Variants in SLC39A11 observed in about 807,000 individuals in gnomAD.
SLC39A11 encodes solute carrier family 39 member 11, also known as zinc transporter ZIP11.
In SLC39A11, 33 loss-of-function variants were observed where a neutral mutation model predicts 36.1. That is an observed-to-expected ratio of 0.91 (90% confidence interval 0.69 to 1.22). The LOEUF (loss-of-function observed/expected upper bound fraction) is 1.22, where lower values mean the gene tolerates loss of function less well. Among genes scored for constraint, SLC39A11 ranks in the 50% most tolerant of loss-of-function variants. The pLI, the probability that SLC39A11 is intolerant of heterozygous loss-of-function variation, is 0.00. For synonymous variants in SLC39A11, 166 were observed against 170.3 expected (o/e 0.97, Z 0.20); for missense variants, 432 against 430.3 (o/e 1.00, Z -0.03).
At chr17:73,049,308 G>A (rs1430321106) in intron 3 of SLC39A11, among the ~76,000 whole-genome samples, 1 of 152,224 alleles carries the variant, frequency 6.6e-6, no homozygotes, top group Non-Finnish European at 1.5e-5. Context: ...AGCGCTATGC[G>A]AAAGGATGCA....
intron 4 of SLC39A11, among the ~76,000 whole-genome samples, chr17:72,976,605 C>T (rs772739210): frequency 6.6e-6 from 1 of 152,222 alleles, no homozygotes; most frequent in Non-Finnish European, 1.5e-5. Flanking sequence ...AATCCCAACA[C>T]TTTGGGAGGC....
chr17:72,864,221 A>G (rs2080188031), intron 5 of SLC39A11, among the ~76,000 whole-genome samples: 1 of 152,204 alleles, frequency 6.6e-6, no homozygotes, highest in South Asian at 2.1e-4. Flanking sequence ...CTATGCATAT[A>G]TGGACAAAAT....
At chr17:72,807,416 G>T (rs1237658195) in intron 6 of SLC39A11, among the ~76,000 whole-genome samples, 2 of 152,088 alleles carry the variant, frequency 1.3e-5, no homozygotes, top group African/African-American at 4.8e-5. Flanking sequence ...TTCATAATGA[G>T]CCCCTTTTGT....
At chr17:72,812,529 C>A (rs528896225) in intron 6 of SLC39A11, among the ~76,000 whole-genome samples, 1 of 152,262 alleles carries the variant, frequency 6.6e-6, no homozygotes, top group South Asian at 2.1e-4. Flanking sequence ...AAAAGTAATT[C>A]TTGATGAGCA....
intron 6 of SLC39A11, among the ~76,000 whole-genome samples, chr17:72,775,179 CCTT>C (rs992028255): frequency 1.3e-5 from 2 of 152,090 alleles, no homozygotes; most frequent in African/African-American, 2.4e-5. Context: ...TAACGTATCA[CCTT>C]CTTCTCTATA....
At chr17:72,717,445 C>T (rs1219069786) in intron 7 of SLC39A11, among the ~76,000 whole-genome samples, 3 of 152,128 alleles carry the variant, frequency 2.0e-5, no homozygotes, top group East Asian at 1.9e-4. Context: ...GATCCTCCCT[C>T]GGCTCTTCCA....
intron 3 of SLC39A11, among the ~76,000 whole-genome samples, chr17:73,060,869 G>A (rs2059820357): frequency 6.6e-6 from 1 of 152,092 alleles, no homozygotes; most frequent in South Asian, 2.1e-4. Context: ...TGTCAATTGT[G>A]TCATTATTGA....
chr17:73,009,957 A>G (rs890172477), intron 4 of SLC39A11, among the ~76,000 whole-genome samples: 2 of 151,126 alleles, frequency 1.3e-5, no homozygotes, highest in Admixed American at 1.3e-4. Flanking sequence ...CTCATCGAAT[A>G]CAACAAATTT....
rs1268703786 is a variant in SLC39A11 at position 73,004,163 on chromosome 17, A to AAAAGAAAGAAAGAAAG, written c.306+27377_306+27392dup. ...AGGAAGAAAGAAAGAAAGAAGGAAA[A>AAAAGAAAGAAAGAAAG]AAAGAAAGAAAGAAAGAAAGAAAGA... On this transcript the variant is annotated intron_variant, in intron 4 of 9. Transcript: ENST00000255559. Among the ~76,000 whole-genome samples, 14 of 100,312 alleles carry AAAAGAAAGAAAGAAAG rather than the reference A, an allele frequency of 1.4e-4. 1 individual carries two copies. The highest frequency in any genetic ancestry group is 3.3e-4 in the East Asian group (1 of 3,034). 65.8% of individuals were successfully genotyped at this position (100,312 alleles called of 152,430 possible).
chr17:73,023,407 G>A (rs1291984351), intron 4 of SLC39A11, among the ~76,000 whole-genome samples: 2 of 152,156 alleles, frequency 1.3e-5, no homozygotes, highest in African/African-American at 2.4e-5. Flanking sequence ...CCAACACTGT[G>A]GGATTCCAAG....
chr17:73,036,899 C>T (rs2058936734), intron 3 of SLC39A11, among the ~76,000 whole-genome samples: 1 of 152,210 alleles, frequency 6.6e-6, no homozygotes, highest in Admixed American at 6.5e-5. Context: ...TCCCTCCTTC[C>T]CCGCTATTCC....
chr17:72,759,945 T>G (rs1009087103), intron 6 of SLC39A11, among the ~76,000 whole-genome samples: 1 of 152,148 alleles, frequency 6.6e-6, no homozygotes, highest in East Asian at 1.9e-4. Flanking sequence ...AGAGAAGTAT[T>G]GGGTATGCAG....
chr17:72,910,151 C>T (rs2082903855), intron 5 of SLC39A11, among the ~76,000 whole-genome samples: 1 of 152,078 alleles, frequency 6.6e-6, no homozygotes, highest in Non-Finnish European at 1.5e-5. Flanking sequence ...TTTGCCAAGG[C>T]TGATATTACG....
intron 6 of SLC39A11, among the ~76,000 whole-genome samples, chr17:72,794,585 T>C (rs764475942): frequency 2.0e-5 from 3 of 152,016 alleles, no homozygotes; most frequent in Non-Finnish European, 2.9e-5. Flanking sequence ...CCTCCTTCTC[T>C]ACACTCAAAC....
intron 3 of SLC39A11, among the ~76,000 whole-genome samples, chr17:73,069,893 C>T (rs1568223514): frequency 6.6e-6 from 1 of 152,154 alleles, no homozygotes; most frequent in African/African-American, 2.4e-5. Context: ...GCTAGCTAAA[C>T]ACTCAATTAG....
chr17:72,665,460 G>C (rs140017756), intron 7 of SLC39A11, among the ~76,000 whole-genome samples: 163 of 134,600 alleles, frequency 1.2e-3, no homozygotes, highest in African/African-American at 3.8e-3. Context: ...GCATGATCAT[G>C]GCTCACTGCA....
chr17:73,008,102 CAAAAAAAAGAAAAAGAAA>C (rs976674648), intron 4 of SLC39A11, among the ~76,000 whole-genome samples: 1 of 50,928 alleles, frequency 2.0e-5, no homozygotes, highest in Non-Finnish European at 7.8e-5. Context: ...GACTCAGTCT[CAAAAAAAAGAAAAAGAAA>C]AAGAAAAAGA....
intron 4 of SLC39A11, among the ~76,000 whole-genome samples, chr17:72,971,400 G>A (rs1360796763): frequency 1.3e-5 from 2 of 151,852 alleles, no homozygotes; most frequent in Non-Finnish European, 2.9e-5. Flanking sequence ...AAGCAGCTCT[G>A]GGCCCACTGC....
At chr17:72,821,649 GC>G in intron 6 of SLC39A11, 1 of 150,506 alleles carries the variant, frequency 6.6e-6, no homozygotes, top group Non-Finnish European at 1.5e-5. Flanking sequence ...CCACATTTTA[GC>G]TAAGTACAAC....
Sources: allele counts gnomAD v4.1 joint callset (sites outside exome capture counted in the v4.1 genomes callset), GRCh38; gene constraint gnomAD v4.1.1; transcripts MANE v1.5; gene names NCBI Gene and HGNC (gene_info 2026-07-23, HGNC 2026-07-21).